The following TNR variants were observed in gnomAD, a reference collection of about 807,000 sequenced individuals.
TNR encodes the protein tenascin-R.
TNR carries 45 observed loss-of-function variants against 150.4 expected under a neutral mutation model. The ratio of observed to expected loss-of-function variants is 0.30; its 90% CI spans 0.24 to 0.38. The LOEUF (loss-of-function observed/expected upper bound fraction) is 0.38. Among genes scored for constraint, TNR ranks in the 10% least tolerant of loss-of-function variants. TNR has a pLI of 1.00. For synonymous variants in TNR, 687 were observed against 678.4 expected, an observed-to-expected ratio of 1.01 and a Z score of -0.20; for missense variants, 1,544 against 1,759.1, an observed-to-expected ratio of 0.88 and a Z score of 2.19.
chr1:175,577,064 G>A (rs1383743168), intron 1 of TNR, among the ~76,000 whole-genome samples: 1 of 152,178 alleles, frequency 6.6e-6, no homozygotes, highest in Non-Finnish European at 1.5e-5. Context: ...TATGCAGGGT[G>A]ATTAGAGACC....
At chr1:175,426,068 G>T (rs542327488) in intron 2 of TNR, among the ~76,000 whole-genome samples, 1 of 152,308 alleles carries the variant, frequency 6.6e-6, no homozygotes, top group Admixed American at 6.5e-5. Context: ...GCTAGAGGAA[G>T]CTGTAACAGG....
chr1:175,481,861 A>G (rs1657823179), intron 2 of TNR, among the ~76,000 whole-genome samples: 1 of 152,062 alleles, frequency 6.6e-6, no homozygotes, highest in Non-Finnish European at 1.5e-5. Context: ...CTGCCCAGAA[A>G]GCACTGTCCT....
chr1:175,430,675 G>T (rs1655223842), intron 2 of TNR, among the ~76,000 whole-genome samples: 1 of 152,162 alleles, frequency 6.6e-6, no homozygotes, highest in Non-Finnish European at 1.5e-5. Flanking sequence ...TTCCACTGTA[G>T]AACCTTCCTC....
chr1:175,372,804 T>A (rs1652167605), intron 9 of TNR, among the ~76,000 whole-genome samples: 1 of 152,160 alleles, frequency 6.6e-6, no homozygotes, highest in Non-Finnish European at 1.5e-5. Flanking sequence ...CATCTTTAAA[T>A]CCCTGAGATC....
chr1:175,568,930 TTC>T (rs1661754189), intron 1 of TNR, among the ~76,000 whole-genome samples: 1 of 152,150 alleles, frequency 6.6e-6, no homozygotes, highest in Admixed American at 6.5e-5. Context: ...TTTGAAGGGT[TTC>T]TCTCTCTTGC....
At chr1:175,374,839 C>T (rs991549486) in intron 9 of TNR, among the ~76,000 whole-genome samples, 3 of 152,140 alleles carry the variant, frequency 2.0e-5, no homozygotes, top group Admixed American at 6.5e-5. Flanking sequence ...CTCCTGTGAC[C>T]GTATGGGCCT....
chr1:175,442,235 C>A (rs566153679), intron 2 of TNR, among the ~76,000 whole-genome samples: 1 of 152,234 alleles, frequency 6.6e-6, no homozygotes, highest in Admixed American at 6.5e-5. Context: ...CTCTTTCAAG[C>A]AATTCATAGA....
intron 2 of TNR, among the ~76,000 whole-genome samples, chr1:175,476,051 A>C (rs1657534453): frequency 6.6e-6 from 1 of 152,202 alleles, no homozygotes; most frequent in South Asian, 2.1e-4. Context: ...TTGGAGAATC[A>C]AGGGAATATG....
chr1:175,494,645 C>T (rs764207527), intron 2 of TNR, among the ~76,000 whole-genome samples: 4 of 152,192 alleles, frequency 2.6e-5, no homozygotes, highest in Non-Finnish European at 5.9e-5. Context: ...ATTTATATGT[C>T]TGGCTATGTG....
At chr1:175,627,637 T>C (rs1194508650) in intron 1 of TNR, among the ~76,000 whole-genome samples, 3 of 152,200 alleles carry the variant, frequency 2.0e-5, no homozygotes, top group Non-Finnish European at 4.4e-5. Flanking sequence ...TAGAACTTGA[T>C]AGGCCATCAA....
At chr1:175,402,553 T>C (rs189388288) in intron 4 of TNR, among the ~76,000 whole-genome samples, 1 of 152,332 alleles carries the variant, frequency 6.6e-6, no homozygotes, top group African/African-American at 2.4e-5. Flanking sequence ...ATGTCCTTAG[T>C]ACTTTATTCC....
chr1:175,698,711 G>A (rs1666601759), intron 1 of TNR, among the ~76,000 whole-genome samples: 1 of 151,978 alleles, frequency 6.6e-6, no homozygotes, highest in Admixed American at 6.6e-5. Flanking sequence ...CATGGTGGCA[G>A]GCACCAGTAA....
intron 1 of TNR, among the ~76,000 whole-genome samples, chr1:175,615,804 G>A (rs1259978714): frequency 6.6e-6 from 1 of 152,196 alleles, no homozygotes; most frequent in Non-Finnish European, 1.5e-5. Context: ...CACAAACATA[G>A]CTTGCACCTT....
chr1:175,684,670 T>C (rs555335627), intron 1 of TNR, among the ~76,000 whole-genome samples: 6 of 152,222 alleles, frequency 3.9e-5, no homozygotes, highest in Non-Finnish European at 7.3e-5. Flanking sequence ...TGAACATTTC[T>C]GAAGTATGTT....
chr1:175,485,354 T>C (rs1375435546), intron 2 of TNR, among the ~76,000 whole-genome samples: 1 of 152,164 alleles, frequency 6.6e-6, no homozygotes, highest in Non-Finnish European at 1.5e-5. Context: ...AGAATGCATT[T>C]TCTTTCTTTG....
At chr1:175,414,675 C>T (rs1654356627) in intron 2 of TNR, among the ~76,000 whole-genome samples, 1 of 152,112 alleles carries the variant, frequency 6.6e-6, no homozygotes, top group Admixed American at 6.5e-5. Context: ...TCACTCCCCT[C>T]TAGGGAGGCC....
At chr1:175,488,889 G>T (rs1439574004) in intron 2 of TNR, among the ~76,000 whole-genome samples, 1 of 152,166 alleles carries the variant, frequency 6.6e-6, no homozygotes, top group East Asian at 1.9e-4. Flanking sequence ...TTTGAGAAAA[G>T]GTCAGAAAGG....
rs1449653607 is a variant in TNR, at chr1:175,441,893, A to G, written c.-63-35116T>C. ...TAAAAACCAAGGTGGTGGGGGTTAGATAAGCAAGGAAGAGGAGTGTGAATT... is the reference window on the plus strand; with the variant it reads ...TAAAAACCAAGGTGGTGGGGGTTAGGTAAGCAAGGAAGAGGAGTGTGAATT... On this transcript the variant is annotated intron_variant, in intron 2 of 22. Coordinates refer to ENST00000367674, the MANE Select transcript of TNR (RefSeq NM_003285.3). Among the ~76,000 whole-genome samples, 3 of 152,248 alleles carry G rather than the reference A, an allele frequency of 2.0e-5. No individual in the cohort carries two copies. The East Asian group carries it at 5.8e-4, about 29-fold the overall frequency.
At chr1:175,438,556 G>C (rs1450650238) in intron 2 of TNR, among the ~76,000 whole-genome samples, 1 of 152,188 alleles carries the variant, frequency 6.6e-6, no homozygotes, top group Admixed American at 6.5e-5. Flanking sequence ...AGGAAATAAA[G>C]GGCATTCAAT....
Sources: allele counts gnomAD v4.1 joint callset (sites outside exome capture counted in the v4.1 genomes callset), GRCh38; gene constraint gnomAD v4.1.1; transcripts MANE v1.5; gene names NCBI Gene and HGNC (gene_info 2026-07-23, HGNC 2026-07-21).